TAF4: variants seen among roughly 807,000 people sequenced by gnomAD.
The protein encoded by TAF4 is TATA-box binding protein associated factor 4, also known as transcription initiation factor TFIID subunit 4.
TAF4 carries 9 observed loss-of-function variants against 90.3 expected under a neutral mutation model. The ratio of observed to expected loss-of-function variants is 0.10; its 90% CI spans 0.06 to 0.17. The LOEUF is 0.17. TAF4 is among the 10% of genes least tolerant of loss of function. The pLI is 1.00. For missense variants in TAF4, 1,351 were observed against 1,370.7 expected, an observed-to-expected ratio of 0.99 and a Z score of 0.23; for synonymous variants, 818 against 638.9, an observed-to-expected ratio of 1.28 and a Z score of -4.23.
At chr20:62,022,108 T>C (rs1374629459) in intron 1 of TAF4, among the ~76,000 whole-genome samples, 1 of 151,956 alleles carries the variant, frequency 6.6e-6, no homozygotes, top group Non-Finnish European at 1.5e-5. Flanking sequence ...CCTCCCTCCC[T>C]TTCCCAGCTG....
chr20:61,985,890 CGACCAAAGG>C, intron 14 of TAF4, among the ~76,000 whole-genome samples: 1 of 151,800 alleles, frequency 6.6e-6, no homozygotes, highest in African/African-American at 2.4e-5. Context: ...ACACCATCCC[CGACCAAAGG>C]AACCACCATC....
At position 62,065,126 on chromosome 20, in the gene TAF4, G is replaced by T. The variant is rs769135766; in HGVS notation, c.685C>A (p.Pro229Thr). Residue 229 changes from proline to threonine, a missense_variant, in exon 1 of 15, where the codon CCC becomes ACC. By Grantham distance (38) the Pro-to-Thr change is conservative. Transcript: ENST00000252996. ...ACAGTGCCGGGGGCGGCGGGCTTGG[G>T]CAGCGGCAGCAGCGCGGCGGGCCCG... Reference protein sequence around the residue: ...NNGPAALLPLPKPAAPGTVIQ... With the variant: ...NNGPAALLPLTKPAAPGTVIQ... 1 of 1,162,484 alleles carries T rather than the reference G, an allele frequency of 8.6e-7. No homozygotes were observed. The highest frequency in any genetic ancestry group is 1.1e-6 in the Non-Finnish European group (1 of 922,364). The allele number at this position is 1,162,484 out of a possible 1,614,324, so 72.0% of individuals were successfully genotyped here.
chr20:62,007,141 T>C, intron 6 of TAF4: 1 of 267,144 alleles, frequency 3.7e-6, no homozygotes, highest in Non-Finnish European at 7.0e-6. Flanking sequence ...AAACATCACA[T>C]ACACCTCATA....
chr20:62,009,233 C>A lies in TAF4; in HGVS notation c.1762-59G>T. ...CTTAAAAGGCAGATTTTTGTCACAG[C>A]CTTTGGTTACTAAAATATGCATATG... is the stretch of plus-strand genomic sequence containing the variant. On this transcript the variant is annotated intron_variant, in intron 4 of 14. Transcript: ENST00000252996. The A allele has an allele frequency of 2.0e-6, 3 of 1,504,098 alleles. No individual in the cohort carries two copies. In the African/African-American group the frequency reaches 4.2e-5, roughly 21 times the overall value. 93.2% of individuals were successfully genotyped at this position (1,504,098 alleles called of 1,614,324 possible). A position where few individuals can be genotyped will look rare whatever the true frequency, so the allele number is the denominator to read the frequency against.
At chr20:62,052,112 G>A (rs192576773) in intron 1 of TAF4, among the ~76,000 whole-genome samples, 85 of 152,234 alleles carry the variant, frequency 5.6e-4, no homozygotes, top group South Asian at 2.3e-3. Context: ...ACCGAGCACC[G>A]CAGACGTGCC....
chr20:61,999,813 G>C (rs2055687367), intron 11 of TAF4, among the ~76,000 whole-genome samples: 1 of 152,194 alleles, frequency 6.6e-6, no homozygotes, highest in African/African-American at 2.4e-5. Flanking sequence ...GTTGGGCACG[G>C]TGGTGTGCGC....
chr20:62,011,257 G>A (rs2055776288), intron 3 of TAF4, among the ~76,000 whole-genome samples: 1 of 151,996 alleles, frequency 6.6e-6, no homozygotes, highest in Non-Finnish European at 1.5e-5. Flanking sequence ...AACATAAAAG[G>A]ACACACCAAG....
At chr20:61,988,778 C>A (rs1291260727) in intron 14 of TAF4, among the ~76,000 whole-genome samples, 1 of 152,172 alleles carries the variant, frequency 6.6e-6, no homozygotes, top group Non-Finnish European at 1.5e-5. Flanking sequence ...CAGTGCCTCA[C>A]CTGGGTCCTC....
intron 1 of TAF4, among the ~76,000 whole-genome samples, chr20:62,017,813 G>A (rs1344206697): frequency 2.0e-5 from 3 of 150,044 alleles, no homozygotes; most frequent in Non-Finnish European, 2.9e-5. Flanking sequence ...CAGCCTGGAC[G>A]ACAGAGCAAG....
At position 62,064,453 on chromosome 20, in the gene TAF4, G is replaced by T. The variant is rs1414376569; in HGVS notation, c.1358C>A (p.Pro453Gln). The T allele has an allele frequency of 5.6e-6, 8 of 1,433,126 alleles. No individual in the cohort carries two copies. The Admixed American group carries it at 1.3e-4, about 24-fold the overall frequency. 88.8% of individuals were successfully genotyped at this position (1,433,126 alleles called of 1,614,324 possible). ...PTNIQNFQLP[P>Q]GMVLVRSENG... ...TCCCGCCCCGTGCGGCCACTCACCT[G>T]GGGGCAGCTGGAAGTTCTGGATGTT... Residue 453 changes from proline (P) to glutamine (Q), a missense_variant and splice_region_variant, in exon 1 of 15, where the codon CCA becomes CAA. This residue lies in a region of TAF4 where 782 missense variants were observed against 536.6 expected (regional missense o/e 1.46). Transcript: ENST00000252996.
chr20:61,997,686 G>C lies in TAF4; in HGVS notation c.2971-17C>G. Reference sequence around the variant, plus strand: ...TTGCTGCATCTTTTATTTTGAAAAGGAGACAAGGAGCATCATTTCTTGCAT... The same window carrying C: ...TTGCTGCATCTTTTATTTTGAAAAGCAGACAAGGAGCATCATTTCTTGCAT... On this transcript the variant is annotated splice_polypyrimidine_tract_variant and intron_variant, in intron 13 of 14. Transcript: ENST00000252996. 1 of 1,605,772 alleles carries C rather than the reference G, an allele frequency of 6.2e-7. No homozygotes were observed. The highest frequency in any genetic ancestry group is 8.5e-7 in the Non-Finnish European group (1 of 1,176,790).
chr20:61,976,563 T>A (rs2055496076), intron 14 of TAF4, among the ~76,000 whole-genome samples: 1 of 152,222 alleles, frequency 6.6e-6, no homozygotes, highest in Non-Finnish European at 1.5e-5. Context: ...CACACTCAGA[T>A]GCTGCCCAAT....
chr20:62,059,131 G>A (rs138695039), intron 1 of TAF4, among the ~76,000 whole-genome samples: 40 of 152,200 alleles, frequency 2.6e-4, no homozygotes, highest in Admixed American at 8.5e-4. Flanking sequence ...TGACACCCAC[G>A]GTGGGAGAAG....
chr20:62,047,075 C>T (rs777294588), intron 1 of TAF4, among the ~76,000 whole-genome samples: 8 of 152,172 alleles, frequency 5.3e-5, no homozygotes, highest in Non-Finnish European at 1.2e-4. Flanking sequence ...TCCTATGTAT[C>T]GACTTTCTGC....
Position 62,014,689 on chromosome 20 carries a change from C to T in TAF4, c.1379G>A (p.Ser460Asn), listed in dbSNP as rs1484483830. ...QLPPGMVLVRSENGQLLMIPQ... is the reference protein window; with the variant it reads ...QLPPGMVLVRNENGQLLMIPQ... ...AATCATTAACAACTGCCCATTCTCACTTCGGACGAGGACCATTCCTGCAGA... is the reference window on the plus strand; with the variant it reads ...AATCATTAACAACTGCCCATTCTCATTTCGGACGAGGACCATTCCTGCAGA... The change falls in exon 2 of 15, where the codon AGT becomes AAT. Residue 460 changes from serine to asparagine, a missense_variant. Around this residue, in one of 9 missense-constraint regions of TAF4, gnomAD observed 143 missense variants for 176.3 expected, o/e 0.81. Coordinates refer to ENST00000252996, the MANE Select transcript of TAF4 (RefSeq NM_003185.4). 2 of 1,613,744 alleles carry T rather than the reference C, an allele frequency of 1.2e-6. No homozygotes were observed. The highest frequency in any genetic ancestry group is 1.7e-6 in the Non-Finnish European group (2 of 1,179,942).
intron 1 of TAF4, among the ~76,000 whole-genome samples, chr20:62,045,114 T>G (rs1004699222): frequency 6.6e-6 from 1 of 152,096 alleles, no homozygotes; most frequent in African/African-American, 2.4e-5. Context: ...AGTAGGTAAA[T>G]AACCTCAGGT....
At chr20:62,017,851 A>T (rs1352922391) in intron 1 of TAF4, among the ~76,000 whole-genome samples, 1 of 152,156 alleles carries the variant, frequency 6.6e-6, no homozygotes, top group East Asian at 1.9e-4. Context: ...AAGAAAAAAA[A>T]AAGTATCCAG....
intron 1 of TAF4, among the ~76,000 whole-genome samples, chr20:62,060,950 C>A (rs144286361): frequency 6.6e-6 from 1 of 152,224 alleles, no homozygotes; most frequent in Non-Finnish European, 1.5e-5. Context: ...ATAGTGAGCG[C>A]CACCTGACAG....
intron 1 of TAF4, among the ~76,000 whole-genome samples, chr20:62,035,968 A>G (rs2055930058): frequency 6.6e-6 from 1 of 152,182 alleles, no homozygotes; most frequent in South Asian, 2.1e-4. Context: ...TTAAAGGAAA[A>G]GAAGTTAAAT....
Sources: allele counts gnomAD v4.1 joint callset (sites outside exome capture counted in the v4.1 genomes callset), GRCh38; gene constraint gnomAD v4.1.1; regional missense constraint gnomAD v4.1.1; transcripts MANE v1.5; gene names NCBI Gene and HGNC (gene_info 2026-07-23, HGNC 2026-07-21).